The following HSPBP1 variants were observed in gnomAD, a reference collection of about 807,000 sequenced individuals.
HSPBP1 encodes hsp70-binding protein 1.
In HSPBP1, 31 loss-of-function variants were observed where a neutral mutation model predicts 41.7. That is an observed-to-expected ratio of 0.74 (90% CI 0.56 to 1.00). The LOEUF is 1.00. HSPBP1 is among the 50% of genes least tolerant of loss of function. The pLI, the probability that HSPBP1 is intolerant of heterozygous loss-of-function variation, is 0.00. For missense variants in HSPBP1, 439 were observed against 487.9 expected (o/e 0.90, Z 0.94); for synonymous variants, 199 against 214.4 (o/e 0.93, Z 0.63).
In HSPBP1 at chr19:55,268,821, A is replaced by G. The variant is rs2122832209; in HGVS notation, c.641-2535T>C. Among the ~76,000 whole-genome samples the G allele has an allele frequency of 6.6e-6, 1 of 152,138 alleles. No individual in the cohort carries two copies. The highest frequency in any genetic ancestry group is 3.4e-3 in the Middle Eastern group (1 of 294). On this transcript the variant is annotated intron_variant, in intron 4 of 7. Coordinates refer to ENST00000433386, the MANE Select transcript of HSPBP1 (RefSeq NM_012267.5). The surrounding 1 kb of genome is among the most constrained non-coding windows in gnomAD (Gnocchi z 4.5). ...GTAGCCGAGATTACAGGCATGCCCC[A>G]CCATGCCTGGCTAATTTTTTGGTAT...
intron 3 of HSPBP1, among the ~76,000 whole-genome samples, chr19:55,277,430 G>A (rs1600154383): frequency 6.6e-6 from 1 of 152,230 alleles, no homozygotes; most frequent in East Asian, 1.9e-4. Flanking sequence ...GAGAGAAACA[G>A]CCATCTCAGA....
At chr19:55,265,518 T>C (rs1307199675) in intron 6 of HSPBP1, 129 bp from the exon 7 acceptor site, 1 of 748,094 alleles carries the variant, frequency 1.3e-6, no homozygotes, top group Non-Finnish European at 2.3e-6. Context: ...TGGGCCTCCA[T>C]TTCCCCATCT....
intron 4 of HSPBP1, among the ~76,000 whole-genome samples, chr19:55,267,595 G>A (rs2087821860): frequency 6.6e-6 from 1 of 151,836 alleles, no homozygotes; most frequent in South Asian, 2.1e-4. Flanking sequence ...CGAGTAGCTG[G>A]GATTACAGGT....
Position 55,277,765 on chromosome 19 carries a change from G to T in HSPBP1, c.292C>A (p.Arg98=), listed in dbSNP as rs772659311. 5.6e-6 allele frequency: 9 copies of T among 1,606,508 alleles called. No homozygotes were observed. Among genetic ancestry groups the T allele is most frequent in the Middle Eastern group, 1.7e-4 (1 of 5,856 alleles). ...GGGGGCATGGGCTGTGACAGCACTC[G>T]GAGGCAGCTCTTCATCTGCTCCACC... is the stretch of plus-strand genomic sequence containing the variant. ...EEVEQMKSCL[R]VLSQPMPPTA... The change falls in exon 3 of 8, where the codon CGA becomes AGA. Residue 98 remains arginine (R), a synonymous_variant. Coordinates refer to ENST00000433386, the MANE Select transcript of HSPBP1 (RefSeq NM_012267.5).
At position 55,274,516 on chromosome 19, in the gene HSPBP1, C is replaced by T. The variant is rs755740157; in HGVS notation, c.522G>A (p.Gln174=). The T allele has an allele frequency of 1.9e-6, 3 of 1,605,428 alleles. No homozygotes were observed. The change falls in exon 4 of 8, where the codon CAG becomes CAA. Residue 174 remains glutamine (Q), a synonymous_variant. Coordinates refer to ENST00000433386, the MANE Select transcript of HSPBP1 (RefSeq NM_012267.5). The part of the protein sequence containing the change: ...RAAQLIGTCS[Q]NVAAIQEQVL... Reference sequence around the variant, plus strand: ...CCTGCTCCTGGATGGCTGCCACGTTCTGACTGCACGTGCCGATGAGCTGTG... The same window carrying T: ...CCTGCTCCTGGATGGCTGCCACGTTTTGACTGCACGTGCCGATGAGCTGTG...
chr19:55,276,152 A>G (rs377289347), intron 3 of HSPBP1, among the ~76,000 whole-genome samples: 71 of 151,330 alleles, frequency 4.7e-4, no homozygotes, highest in African/African-American at 1.6e-3. Flanking sequence ...CACACGCCAC[A>G]ACATGGGCAC....
rs114588178 is a variant in HSPBP1, at chr19:55,270,392, C to T, written c.640+4006G>A. On this transcript the variant is annotated intron_variant, in intron 4 of 7. Transcript: ENST00000433386. This position sits in a 1 kb window ranked among gnomAD's most constrained non-coding sequence, Gnocchi z 5.4. ...GGGATTGTGAGGGATCAATGAGGTG[C>T]AGCGCACAGGGCTTAGTGCAATGAG... 1.6e-3 allele frequency among the ~76,000 whole-genome samples: 247 copies of T among 152,282 alleles called. 1 individual carries two copies. Among genetic ancestry groups the T allele is most frequent in the African/African-American group, 5.7e-3 (236 of 41,568 alleles).
At chr19:55,263,009 A>G (rs1025948011) in intron 7 of HSPBP1, among the ~76,000 whole-genome samples, 2 of 152,228 alleles carry the variant, frequency 1.3e-5, no homozygotes, top group African/African-American at 2.4e-5. Context: ...CCCAGAAACC[A>G]TGAAAGAAAG....
chr19:55,272,830 C>T lies in HSPBP1; in HGVS notation c.640+1568G>A, dbSNP rs1161475803. Among the ~76,000 whole-genome samples, 4 of 136,002 alleles carry T rather than the reference C, an allele frequency of 2.9e-5. No homozygotes were observed. The highest frequency in any genetic ancestry group is 2.3e-4 in the Admixed American group (3 of 13,324). The allele number at this position is 136,002 out of a possible 152,430, so 89.2% of individuals were successfully genotyped here. A position where few individuals can be genotyped will look rare whatever the true frequency, so the allele number is the denominator to read the frequency against. The stretch of plus-strand genomic sequence containing the variant: ...TCCAGCCTGGGTGACAAGAGCGAGA[C>T]TCTGTCTCAAAAAAAAAAAAAAGAA... On this transcript the variant is annotated intron_variant, in intron 4 of 7. Transcript: ENST00000433386. The surrounding 1 kb of genome is among the most constrained non-coding windows in gnomAD (Gnocchi z 4.2).
At chr19:55,277,407 C>T (rs1041786469) in intron 3 of HSPBP1, among the ~76,000 whole-genome samples, 3 of 152,244 alleles carry the variant, frequency 2.0e-5, no homozygotes, top group African/African-American at 7.2e-5. Flanking sequence ...GCAGTGGACA[C>T]CCAGAGGACT....
In HSPBP1 at chr19:55,269,958, G is replaced by A. The variant is rs926445007; in HGVS notation, c.641-3672C>T. Among the ~76,000 whole-genome samples the A allele has an allele frequency of 7.9e-5, 12 of 152,230 alleles. No individual in the cohort carries two copies. In the East Asian group the frequency reaches 2.3e-3, roughly 29 times the overall value. On this transcript the variant is annotated intron_variant, in intron 4 of 7. Coordinates refer to ENST00000433386, the MANE Select transcript of HSPBP1 (RefSeq NM_012267.5). ...ACTTTGGAGTGGCTCCACAGAGGGCGAGCGAGTCCATCCCCTCCTGTCCTG... is the reference window on the plus strand; with the variant it reads ...ACTTTGGAGTGGCTCCACAGAGGGCAAGCGAGTCCATCCCCTCCTGTCCTG...
rs2088172894 is a variant in HSPBP1 at position 55,279,519 on chromosome 19, G to GCCGCCGCCGCCGCCGCCGCCGCCC, written c.89_90insGGGCGGCGGCGGCGGCGGCGGCGG (p.Gly30_Ser31insGlyGlyGlyGlyGlyGlyGlyGly). ...AATTGCCCGAGCCCCCAGCCGAGGA[G>GCCGCCGCCGCCGCCGCCGCCGCCC]CCGCCGCCGCCGCCCCCTGAAGAGC... On this transcript the variant is annotated inframe_insertion, in exon 2 of 8. Transcript: ENST00000433386. 5.4e-6 allele frequency: 8 copies of GCCGCCGCCGCCGCCGCCGCCGCCC among 1,476,654 alleles called. No individual in the cohort carries two copies. Among genetic ancestry groups the GCCGCCGCCGCCGCCGCCGCCGCCC allele is most frequent in the Non-Finnish European group, 7.2e-6 (8 of 1,116,284 alleles). 91.5% of individuals were successfully genotyped at this position (1,476,654 alleles called of 1,614,324 possible).
Position 55,274,640 on chromosome 19 carries a change from G to A in HSPBP1, c.416-18C>T, listed in dbSNP as rs1568968231. On this transcript the variant is annotated intron_variant, in intron 3 of 7. Coordinates refer to ENST00000433386, the MANE Select transcript of HSPBP1 (RefSeq NM_012267.5). The stretch of plus-strand genomic sequence containing the variant: ...GCAGAAGTCTGTGCCACAGAGGGGA[G>A]CAGAGAGAGGCCAGATGTTAGGGAC... The A allele has an allele frequency of 6.3e-7, 1 of 1,589,192 alleles. No homozygotes were observed. The highest frequency in any genetic ancestry group is 8.6e-7 in the Non-Finnish European group (1 of 1,168,944).
intron 4 of HSPBP1, among the ~76,000 whole-genome samples, chr19:55,271,657 C>T (rs1383093136): frequency 6.6e-6 from 1 of 152,222 alleles, no homozygotes; most frequent in Non-Finnish European, 1.5e-5. Flanking sequence ...AGGAACACAA[C>T]ACTGATTCCA....
At chr19:55,263,714 A>C (rs1033720147) in intron 7 of HSPBP1, among the ~76,000 whole-genome samples, 1 of 152,186 alleles carries the variant, frequency 6.6e-6, no homozygotes, top group Admixed American at 6.6e-5. Flanking sequence ...TTTGCATAAC[A>C]TAGAGAAAAA....
rs184219837 is a variant in HSPBP1 at position 55,267,265 on chromosome 19, C to T, written c.641-979G>A. ...TCGCAGGTTCAAACTATTCTTCAGC[C>T]TCAGCCCCCCAAGTAGCTGGGATTA... On this transcript the variant is annotated intron_variant, in intron 4 of 7. Coordinates refer to ENST00000433386, the MANE Select transcript of HSPBP1 (RefSeq NM_012267.5). 8.5e-5 allele frequency among the ~76,000 whole-genome samples: 13 copies of T among 152,288 alleles called. No homozygotes were observed. In the East Asian group the frequency reaches 2.5e-3, roughly 29 times the overall value.
intron 2 of HSPBP1, 144 bp downstream of exon 2, chr19:55,279,255 G>C (rs2088162089): frequency 4.5e-6 from 3 of 665,662 alleles, no homozygotes; most frequent in Non-Finnish European, 7.8e-6. Flanking sequence ...ACAATTTATA[G>C]CCCACAATGC....
At chr19:55,279,759 C>T (rs1239758399) in intron 1 of HSPBP1, 57 bp from the exon 2 acceptor site, 10 of 1,527,080 alleles carry the variant, frequency 6.5e-6, no homozygotes, top group African/African-American at 1.4e-5. Flanking sequence ...CCCCAAACCA[C>T]TCTGCCCCCA....
In HSPBP1 at chr19:55,274,685, T is replaced by C. The variant is rs1600149742; in HGVS notation, c.416-63A>G. On this transcript the variant is annotated intron_variant, in intron 3 of 7. Transcript: ENST00000433386. ...AGGGACTGAACCGTGCCCCCCAAAATGCATGGGTTGATGTTCTGACCCCCA... is the reference window on the plus strand; with the variant it reads ...AGGGACTGAACCGTGCCCCCCAAAACGCATGGGTTGATGTTCTGACCCCCA... 7 of 1,382,192 alleles carry C rather than the reference T, an allele frequency of 5.1e-6. No individual in the cohort carries two copies. The East Asian group carries it at 1.7e-4, about 33-fold the overall frequency. 85.6% of individuals were successfully genotyped at this position (1,382,192 alleles called of 1,614,324 possible).
Sources: gnomAD v4.1 joint callset for allele counts (sites outside exome capture counted in the v4.1 genomes callset) on GRCh38, gnomAD v4.1.1 for gene constraint, Gnocchi (gnomAD v3.1) non-coding constraint, MANE v1.5 for transcripts, NCBI Gene and HGNC (gene_info 2026-07-23, HGNC 2026-07-21) for gene names.